Variants in IFITM3 observed in about 807,000 individuals in gnomAD.
The protein encoded by IFITM3 is interferon induced transmembrane protein 3.
IFITM3 carries 5 observed loss-of-function variants against 5.2 expected under a neutral mutation model. The observed-to-expected ratio is 0.96, with a 90% CI of 0.50 to 2.03. The LOEUF (loss-of-function observed/expected upper bound fraction) is 2.03, where lower values mean the gene tolerates loss of function less well. Ranked by LOEUF, IFITM3 falls within the 30% of genes most tolerant of loss-of-function variation. IFITM3 has a pLI of 0.01. For missense variants in IFITM3, 156 were observed against 177.3 expected, an observed-to-expected ratio of 0.88 and a Z score of 0.68; for synonymous variants, 81 against 77.6, an observed-to-expected ratio of 1.04 and a Z score of -0.23.
In IFITM3 at chr11:320,668, C is replaced by A; in HGVS notation, c.146G>T (p.Arg49Leu). The part of the protein sequence containing the change: ...APPTSTVIHI[R>L]SETSVPDHVV... ...ATGGTCGGGCACGGAGGTCTCGCTG[C>A]GGATGTGGATCACGGTGGACGTCGG... Residue 49 changes from arginine to leucine, a missense_variant, in exon 1 of 2, where the codon CGC becomes CTC. Coordinates refer to ENST00000399808, the MANE Select transcript of IFITM3 (RefSeq NM_021034.3). 4 of 1,613,858 alleles carry A rather than the reference C, an allele frequency of 2.5e-6. No individual in the cohort carries two copies. The highest frequency in any genetic ancestry group is 3.4e-6 in the Non-Finnish European group (4 of 1,179,882).
In IFITM3 at chr11:319,769, G is replaced by T. The variant is rs1473977071; in HGVS notation, c.*69C>A. The T allele has an allele frequency of 1.9e-6, 3 of 1,603,220 alleles. No homozygotes were observed. The highest frequency in any genetic ancestry group is 2.6e-6 in the Non-Finnish European group (3 of 1,170,326). ...GACTCGGCTCCGGGGGCAGGGCGAG[G>T]AATGGAAGTTGGAGTACGTGGGATA... On this transcript the variant is annotated 3_prime_UTR_variant, in exon 2 of 2. Transcript: ENST00000399808.
chr11:320,465 A>T, intron 1 of IFITM3, 100 bp downstream of exon 1: 5 of 1,537,648 alleles, frequency 3.3e-6, no homozygotes, highest in Non-Finnish European at 4.5e-6. Context: ...ACAAACTCAC[A>T]GTCACAGGGA....
chr11:320,429 TGG>T, intron 1 of IFITM3, 134 bp downstream of exon 1: 1 of 1,349,432 alleles, frequency 7.4e-7, no homozygotes, highest in Non-Finnish European at 1.0e-6. Flanking sequence ...GCCACTGACG[TGG>T]GCACACACGG....
rs1228855688 is a variant in IFITM3, at chr11:320,809, T to C, written c.5A>G (p.Asn2Ser). Residue 2 changes from asparagine (N) to serine (S), a missense_variant, in exon 1 of 2, where the codon AAT (asparagine) becomes AGT (serine). Asn to Ser is a conservative substitution (Grantham distance 46). Coordinates refer to ENST00000399808, the MANE Select transcript of IFITM3 (RefSeq NM_021034.3). ...AGAGAAGAAGGTTTGGACAGTGTGATTCATGGTGTCCAGCGAAGACCAGCG... is the reference window on the plus strand; with the variant it reads ...AGAGAAGAAGGTTTGGACAGTGTGACTCATGGTGTCCAGCGAAGACCAGCG... M[N>S]HTVQTFFSPV... 6.8e-6 allele frequency: 11 copies of C among 1,608,794 alleles called. No homozygotes were observed. The highest frequency in any genetic ancestry group is 1.3e-5 in the African/African-American group (1 of 74,804).
rs1832128058 is a variant in IFITM3, at chr11:319,893, A to C, written c.347T>G (p.Leu116Arg). The change falls in exon 2 of 2, where the codon CTC becomes CGC. Residue 116 changes from leucine (L) to arginine (R), a missense_variant. Coordinates refer to ENST00000399808, the MANE Select transcript of IFITM3 (RefSeq NM_021034.3). The part of the protein sequence containing the change: ...LNIWALILGI[L>R]MTILLIVIPV... ...GATGACGATGAGCAGAATGGTCATG[A>C]GGATGCCCAGAATCAGGGCCCAGAT... 11 of 1,614,048 alleles carry C rather than the reference A, an allele frequency of 6.8e-6. No homozygotes were observed. The highest frequency in any genetic ancestry group is 8.5e-6 in the Non-Finnish European group (10 of 1,180,030).
In IFITM3 at chr11:319,814, C is replaced by T; in HGVS notation, c.*24G>A. 6.2e-7 allele frequency: 1 copy of T among 1,614,022 alleles called. No individual in the cohort carries two copies. Among genetic ancestry groups the T allele is most frequent in the Non-Finnish European group, 8.5e-7 (1 of 1,179,932 alleles). On this transcript the variant is annotated 3_prime_UTR_variant, in exon 2 of 2. Coordinates refer to ENST00000399808, the MANE Select transcript of IFITM3 (RefSeq NM_021034.3). ...GGGATACAGGTCATGGGCAGAGCTC[C>T]TGGCCTCAGTGATGCCTCCTGATCT... is the stretch of plus-strand genomic sequence containing the variant.
At position 320,159 on chromosome 11, in the gene IFITM3, C is replaced by T. The variant is rs556053124; in HGVS notation, c.250-169G>A. ...GCCTCGGGGCTCATCCTCCTTCTGC[C>T]TTGACCTCAGCACAGGCTGTTCTCC... On this transcript the variant is annotated intron_variant, in intron 1 of 1. Coordinates refer to ENST00000399808, the MANE Select transcript of IFITM3 (RefSeq NM_021034.3). 4 of 771,042 alleles carry T rather than the reference C, an allele frequency of 5.2e-6. No homozygotes were observed. The Admixed American group carries it at 8.2e-5, about 16-fold the overall frequency. 47.8% of individuals were successfully genotyped at this position (771,042 alleles called of 1,614,324 possible).
At position 319,714 on chromosome 11, in the gene IFITM3, A is replaced by G; in HGVS notation, c.*124T>C. 2.4e-6 allele frequency: 3 copies of G among 1,249,246 alleles called. No individual in the cohort carries two copies. Among genetic ancestry groups the G allele is most frequent in the African/African-American group, 1.5e-5 (1 of 67,802 alleles). The allele number at this position is 1,249,246 out of a possible 1,614,324, so 77.4% of individuals were successfully genotyped here. A position where few individuals can be genotyped will look rare whatever the true frequency, so the allele number is the denominator to read the frequency against. On this transcript the variant is annotated 3_prime_UTR_variant, in exon 2 of 2. Transcript: ENST00000399808. ...GCACTTTATTGAATGCCATTGTAGA[A>G]AAGCGTGTGAGGATAAAGGGCTGAT... is the stretch of plus-strand genomic sequence containing the variant.
chr11:320,158 C>A, intron 1 of IFITM3, 168 bp from the exon 2 acceptor site: 1 of 772,574 alleles, frequency 1.3e-6, no homozygotes, highest in Non-Finnish European at 2.2e-6. Context: ...CCTCCTTCTG[C>A]CTTGACCTCA....
intron 1 of IFITM3, 175 bp downstream of exon 1, chr11:320,390 C>A: frequency 1.0e-6 from 1 of 979,232 alleles, no homozygotes; most frequent in African/African-American, 1.7e-5. Flanking sequence ...TTCCCCAAGC[C>A]ACACACACAC....
rs1171746204 is a variant in IFITM3, at chr11:320,562, C to T, written c.249+3G>A. ...TCTGAGCATTCCCTGGGGCCATACGCACCTTCACGGAGTAGGCGAATGCTA... is the reference window on the plus strand; with the variant it reads ...TCTGAGCATTCCCTGGGGCCATACGTACCTTCACGGAGTAGGCGAATGCTA... On this transcript the variant is annotated splice_donor_region_variant and intron_variant, in intron 1 of 1. Coordinates refer to ENST00000399808, the MANE Select transcript of IFITM3 (RefSeq NM_021034.3). The T allele has an allele frequency of 6.2e-7, 1 of 1,613,714 alleles. No homozygotes were observed. Among genetic ancestry groups the T allele is most frequent in the Admixed American group, 1.7e-5 (1 of 60,004 alleles).
intron 1 of IFITM3, 98 bp from the exon 2 acceptor site, chr11:320,088 G>T (rs1441768370): frequency 2.6e-6 from 4 of 1,559,424 alleles, no homozygotes; most frequent in Non-Finnish European, 3.5e-6. Context: ...CCTGAGATCA[G>T]GGACCACCTC....
Position 320,846 on chromosome 11 carries a change from A to G in IFITM3, c.-33T>C, listed in dbSNP as rs373971459. On this transcript the variant is annotated 5_prime_UTR_variant, in exon 1 of 2. Coordinates refer to ENST00000399808, the MANE Select transcript of IFITM3 (RefSeq NM_021034.3). ...AGCGAAGACCAGCGGCGGTCGGGTT[A>G]CTGGGATGGTTCTCAGTGAGCCCTC... 5.8e-5 allele frequency: 92 copies of G among 1,584,406 alleles called. No homozygotes were observed. Among genetic ancestry groups the G allele is most frequent in the Non-Finnish European group, 7.2e-5 (83 of 1,159,810 alleles).
chr11:320,136 C>T (rs1344247230), intron 1 of IFITM3, 146 bp from the exon 2 acceptor site: 15 of 864,278 alleles, frequency 1.7e-5, no homozygotes, highest in African/African-American at 3.4e-5. Flanking sequence ...CTCCAGGAGC[C>T]TCGGGGCTCA....
At chr11:320,285 G>C (rs1433982868) in intron 1 of IFITM3, 20 of 697,850 alleles carry the variant, frequency 2.9e-5, no homozygotes, top group Non-Finnish European at 4.6e-5. Flanking sequence ...CTGGGCTATA[G>C]GGAGAACTGC....
rs752505395 is a variant in IFITM3 at position 319,895 on chromosome 11, G to A, written c.345C>T (p.Ile115=). The A allele has an allele frequency of 5.0e-6, 8 of 1,614,094 alleles. No homozygotes were observed. The highest frequency in any genetic ancestry group is 5.9e-6 in the Non-Finnish European group (7 of 1,180,030). The change falls in exon 2 of 2, where the codon ATC becomes ATT. Residue 115 remains isoleucine, a synonymous_variant. Transcript: ENST00000399808. The part of the protein sequence containing the change: ...CLNIWALILG[I]LMTILLIVIP... ...TGACGATGAGCAGAATGGTCATGAG[G>A]ATGCCCAGAATCAGGGCCCAGATGT...
Position 319,769 on chromosome 11 carries a change from G to A in IFITM3, c.*69C>T. On this transcript the variant is annotated 3_prime_UTR_variant, in exon 2 of 2. Coordinates refer to ENST00000399808, the MANE Select transcript of IFITM3 (RefSeq NM_021034.3). ...GACTCGGCTCCGGGGGCAGGGCGAG[G>A]AATGGAAGTTGGAGTACGTGGGATA... 6.2e-7 allele frequency: 1 copy of A among 1,603,222 alleles called. No individual in the cohort carries two copies. The highest frequency in any genetic ancestry group is 8.5e-7 in the Non-Finnish European group (1 of 1,170,326).
At position 320,561 on chromosome 11, in the gene IFITM3, G is replaced by C; in HGVS notation, c.249+4C>G. 1.2e-6 allele frequency: 2 copies of C among 1,613,578 alleles called. No individual in the cohort carries two copies. The highest frequency in any genetic ancestry group is 1.7e-6 in the Non-Finnish European group (2 of 1,179,706). ...CTCTGAGCATTCCCTGGGGCCATAC[G>C]CACCTTCACGGAGTAGGCGAATGCT... On this transcript the variant is annotated splice_donor_region_variant and intron_variant, in intron 1 of 1. Coordinates refer to ENST00000399808, the MANE Select transcript of IFITM3 (RefSeq NM_021034.3).
intron 1 of IFITM3, chr11:320,324 C>G (rs1846085773): frequency 1.3e-6 from 1 of 767,512 alleles, no homozygotes; most frequent in Non-Finnish European, 2.2e-6. Context: ...CGGGGACAGA[C>G]TCTGAGCCAG....
Sources: gnomAD v4.1 joint callset for allele counts on GRCh38, gnomAD v4.1.1 for gene constraint, MANE v1.5 for transcripts, NCBI Gene and HGNC (gene_info 2026-07-23, HGNC 2026-07-21) for gene names.